Variants in P2RX7 observed in about 807,000 individuals in gnomAD.
The protein encoded by P2RX7 is P2X purinoceptor 7.
P2RX7 carries 62 observed loss-of-function variants against 71.6 expected under a neutral mutation model. That is an observed-to-expected ratio of 0.87 (90% CI 0.71 to 1.07). The LOEUF (loss-of-function observed/expected upper bound fraction) is 1.07, where lower values mean the gene tolerates loss of function less well. Among genes scored for constraint, P2RX7 ranks in the 50% least tolerant of loss-of-function variants. The pLI, the probability that P2RX7 is intolerant of heterozygous loss-of-function variation, is 0.00. For missense variants in P2RX7, 686 were observed against 748.5 expected (o/e 0.92, Z 0.97); for synonymous variants, 299 against 283.3 (o/e 1.06, Z -0.56).
chr12:121,168,139 G>A (rs1247065394), intron 8 of P2RX7, among the ~76,000 whole-genome samples: 4 of 151,608 alleles, frequency 2.6e-5, no homozygotes, highest in Non-Finnish European at 5.9e-5. Flanking sequence ...TATATATCTT[G>A]TGGTATTCTG....
In P2RX7 at chr12:121,175,257, G is replaced by A. The variant is rs3751147; in HGVS notation, c.882-131G>A. 6.4e-5 allele frequency: 36 copies of A among 563,798 alleles called. No homozygotes were observed. The South Asian group carries it at 7.6e-4, about 12-fold the overall frequency. The allele number at this position is 563,798 out of a possible 1,614,324, so 34.9% of individuals were successfully genotyped here. On this transcript the variant is annotated intron_variant, in intron 8 of 12. Coordinates refer to ENST00000328963, the MANE Select transcript of P2RX7 (RefSeq NM_002562.6). ...GCCTAGCAAGTCAAGGCTGCAGTGA[G>A]TGGTAATCCTGCTACTGCACTCCAG...
At chr12:121,183,503 G>A (rs1424271485) in intron 12 of P2RX7, among the ~76,000 whole-genome samples, 1 of 149,708 alleles carries the variant, frequency 6.7e-6, no homozygotes, top group African/African-American at 2.5e-5. Flanking sequence ...CCCAGGAGGC[G>A]GAGGTTGCAG....
chr12:121,162,253 T>G, intron 4 of P2RX7, 171 bp from the exon 5 acceptor site: 2 of 1,409,792 alleles, frequency 1.4e-6, no homozygotes, highest in Non-Finnish European at 9.2e-7. Context: ...TGCCTTGCCT[T>G]GTGTTCGTTG....
chr12:121,169,881 C>T lies in P2RX7; in HGVS notation c.881+2257C>T, dbSNP rs112667862. Among the ~76,000 whole-genome samples the T allele has an allele frequency of 2.2e-3, 341 of 152,278 alleles. 2 individuals are homozygous for T. Among genetic ancestry groups the T allele is most frequent in the African/African-American group, 7.6e-3 (314 of 41,556 alleles). On this transcript the variant is annotated intron_variant, in intron 8 of 12. Transcript: ENST00000328963. ...GAACCGTGGTTGTGCCACTGCACTCCAGCCTGGGTGACAGAGTGAGACCCT... is the reference window on the plus strand; with the variant it reads ...GAACCGTGGTTGTGCCACTGCACTCTAGCCTGGGTGACAGAGTGAGACCCT...
rs1161140533 is a variant in P2RX7 at position 121,172,474 on chromosome 12, T to A, written c.882-2914T>A. ...TGAGACCATCATCTCTATAAAAAAA[T>A]TTTAAAAATTAGTCGGGTGTAATGG... On this transcript the variant is annotated intron_variant, in intron 8 of 12. Transcript: ENST00000328963. Among the ~76,000 whole-genome samples, 5 of 152,052 alleles carry A rather than the reference T, an allele frequency of 3.3e-5. No individual in the cohort carries two copies. The East Asian group carries it at 7.7e-4, about 23-fold the overall frequency.
chr12:121,179,002 C>T (rs1330229336), intron 11 of P2RX7, among the ~76,000 whole-genome samples: 1 of 151,880 alleles, frequency 6.6e-6, no homozygotes, highest in Non-Finnish European at 1.5e-5. Flanking sequence ...CATACATATA[C>T]ATATGTGTGG....
At chr12:121,160,635 T>C (rs1469184407) in intron 3 of P2RX7, among the ~76,000 whole-genome samples, 1 of 152,200 alleles carries the variant, frequency 6.6e-6, no homozygotes, top group Non-Finnish European at 1.5e-5. Flanking sequence ...TCACTCAGCA[T>C]CATGTTCTCC....
At chr12:121,151,536 A>G (rs1213000520) in intron 1 of P2RX7, among the ~76,000 whole-genome samples, 1 of 152,128 alleles carries the variant, frequency 6.6e-6, no homozygotes, top group Admixed American at 6.5e-5. Flanking sequence ...GAAATCCTGA[A>G]TTTGACATTT....
chr12:121,167,433 G>A (rs369466821), intron 7 of P2RX7, 55 bp from the exon 8 acceptor site: 20 of 1,598,478 alleles, frequency 1.3e-5, no homozygotes, highest in East Asian at 4.5e-5. Flanking sequence ...GATGTCTGGC[G>A]GTTGCGTAAC....
chr12:121,171,579 C>G (rs1437712186), intron 8 of P2RX7, among the ~76,000 whole-genome samples: 1 of 152,072 alleles, frequency 6.6e-6, no homozygotes, highest in Non-Finnish European at 1.5e-5. Context: ...TCTGCAAACA[C>G]TGTATTTCCA....
At chr12:121,133,595 T>C (rs1163434091) in intron 1 of P2RX7, among the ~76,000 whole-genome samples, 2 of 152,236 alleles carry the variant, frequency 1.3e-5, no homozygotes, top group Non-Finnish European at 2.9e-5. Context: ...CACCATACAA[T>C]TGACCCATTT....
At chr12:121,179,794 G>T (rs990588803) in intron 11 of P2RX7, among the ~76,000 whole-genome samples, 1 of 152,118 alleles carries the variant, frequency 6.6e-6, no homozygotes, top group African/African-American at 2.4e-5. Context: ...GCAGCAACTG[G>T]GGGGTCCAAT....
chr12:121,166,208 T>A, intron 7 of P2RX7, 21 bp downstream of exon 7: 1 of 1,608,252 alleles, frequency 6.2e-7, no homozygotes, highest in Non-Finnish European at 8.5e-7. Flanking sequence ...CTTTGTACAC[T>A]GGGATGTGGG....
At chr12:121,178,019 G>C (rs1883458091) in intron 11 of P2RX7, among the ~76,000 whole-genome samples, 1 of 151,870 alleles carries the variant, frequency 6.6e-6, no homozygotes, top group Non-Finnish European at 1.5e-5. Context: ...AGCCCAGCCT[G>C]TTTTGTCATT....
intron 8 of P2RX7, among the ~76,000 whole-genome samples, chr12:121,169,959 G>T (rs1881840660): frequency 6.6e-6 from 1 of 152,022 alleles, no homozygotes; most frequent in African/African-American, 2.4e-5. Flanking sequence ...TTTAGAAAGG[G>T]GCTGGGCTTT....
At chr12:121,166,560 A>G (rs1017329281) in intron 7 of P2RX7, among the ~76,000 whole-genome samples, 7 of 152,034 alleles carry the variant, frequency 4.6e-5, no homozygotes, top group Non-Finnish European at 1.0e-4. Flanking sequence ...CAGCTTTTCC[A>G]CCTTCTGGAG....
At chr12:121,180,517 C>T (rs1883971206) in intron 12 of P2RX7, 62 bp downstream of exon 12, 1 of 772,042 alleles carries the variant, frequency 1.3e-6, no homozygotes, top group Non-Finnish European at 2.1e-6. Flanking sequence ...AATATAAACA[C>T]ATCTAGAAAC....
In P2RX7 at chr12:121,165,130, G is replaced by A. The variant is rs936590465; in HGVS notation, c.534-227G>A. 5.9e-5 allele frequency among the ~76,000 whole-genome samples: 9 copies of A among 152,166 alleles called. No individual in the cohort carries two copies. The East Asian group carries it at 1.2e-3, about 20-fold the overall frequency. ...AAGATGAGATTTGGGTGGGGACACA[G>A]AGCCAAACCATATCAGATCTCAAGA... On this transcript the variant is annotated intron_variant, in intron 5 of 12. Transcript: ENST00000328963.
intron 5 of P2RX7, 60 bp downstream of exon 5, chr12:121,162,580 C>A: frequency 1.9e-6 from 3 of 1,587,712 alleles, no homozygotes; most frequent in Non-Finnish European, 2.6e-6. Flanking sequence ...GAGGCCTTGC[C>A]GAGGCTGCTT....
Sources: gnomAD v4.1 joint callset for allele counts (sites outside exome capture counted in the v4.1 genomes callset) on GRCh38, gnomAD v4.1.1 for gene constraint, MANE v1.5 for transcripts, NCBI Gene and HGNC (gene_info 2026-07-23, HGNC 2026-07-21) for gene names.